Variants in PARD3 observed in about 807,000 individuals in gnomAD.
PARD3 encodes par-3 family cell polarity regulator, also known as partitioning defective 3 homolog.
In PARD3, 75 loss-of-function variants were observed where a neutral mutation model predicts 155.4. The observed-to-expected ratio is 0.48, with a 90% CI of 0.40 to 0.58. The LOEUF is 0.58. PARD3 is among the 20% of genes least tolerant of loss of function. The probability of loss-of-function intolerance (pLI) is 0.00; values close to 1 mark genes in which losing one functional copy is unlikely to be tolerated. For synonymous variants in PARD3, 576 were observed against 610.5 expected, an observed-to-expected ratio of 0.94 and a Z score of 0.83; for missense variants, 1,642 against 1,721.7, an observed-to-expected ratio of 0.95 and a Z score of 0.82.
intron 2 of PARD3, among the ~76,000 whole-genome samples, chr10:34,614,173 A>T (rs2091098531): frequency 6.6e-6 from 1 of 152,232 alleles, no homozygotes; most frequent in African/African-American, 2.4e-5. Flanking sequence ...GTCAACCAAC[A>T]TAGAAAAGTA....
At chr10:34,151,568 G>A (rs922744809) in intron 22 of PARD3, among the ~76,000 whole-genome samples, 4 of 152,228 alleles carry the variant, frequency 2.6e-5, no homozygotes, top group Admixed American at 2.0e-4. Context: ...GGAAAAGGTC[G>A]TGAGACCACA....
intron 2 of PARD3, among the ~76,000 whole-genome samples, chr10:34,655,258 T>G (rs576230660): frequency 1.3e-5 from 2 of 152,178 alleles, no homozygotes; most frequent in East Asian, 3.9e-4. Context: ...GTATGCAACA[T>G]AAAGGTATAT....
intron 1 of PARD3, among the ~76,000 whole-genome samples, chr10:34,702,989 G>A (rs981220014): frequency 4.6e-5 from 7 of 152,092 alleles, no homozygotes; most frequent in African/African-American, 1.7e-4. Flanking sequence ...GTCAGATGGT[G>A]GTACATTCAG....
intron 2 of PARD3, among the ~76,000 whole-genome samples, chr10:34,600,743 T>C (rs1294023701): frequency 6.6e-6 from 1 of 152,142 alleles, no homozygotes; most frequent in Non-Finnish European, 1.5e-5. Context: ...ATCATTTTAT[T>C]CATGTAAGTT....
intron 19 of PARD3, among the ~76,000 whole-genome samples, chr10:34,323,198 G>T (rs1015591850): frequency 6.6e-6 from 1 of 152,162 alleles, no homozygotes; most frequent in African/African-American, 2.4e-5. Flanking sequence ...GGAAGAGAAA[G>T]AAAGATGTAG....
intron 16 of PARD3, among the ~76,000 whole-genome samples, chr10:34,341,395 T>C (rs1836815127): frequency 6.6e-6 from 1 of 152,188 alleles, no homozygotes; most frequent in African/African-American, 2.4e-5. Flanking sequence ...TTTTGACTGG[T>C]AGTAGTTTTG....
intron 20 of PARD3, among the ~76,000 whole-genome samples, chr10:34,307,939 A>G (rs1320318835): frequency 6.6e-6 from 1 of 152,196 alleles, no homozygotes; most frequent in Non-Finnish European, 1.5e-5. Flanking sequence ...GTGGGTTAGA[A>G]AAGTGTCAGG....
intron 1 of PARD3, among the ~76,000 whole-genome samples, chr10:34,751,608 TTCTC>T (rs945065472): frequency 2.0e-5 from 3 of 152,048 alleles, no homozygotes; most frequent in Admixed American, 6.6e-5. Context: ...AATTAAACCT[TTCTC>T]TCTTTTTTTG....
chr10:34,730,940 C>T (rs925564901), intron 1 of PARD3, among the ~76,000 whole-genome samples: 1 of 152,178 alleles, frequency 6.6e-6, no homozygotes, highest in Non-Finnish European at 1.5e-5. Context: ...AATTCTTAAA[C>T]CAACCCACAA....
chr10:34,141,828 G>A lies in PARD3; in HGVS notation c.3420-10245C>T, dbSNP rs146637086. ...ATAAATACACACAAGAAAGCCCTAG[G>A]TAGCTGATCTTACCTAGTGTCACAA... On this transcript the variant is annotated intron_variant, in intron 22 of 24. Coordinates refer to ENST00000374788, the MANE Select transcript of PARD3 (RefSeq NM_001184785.2). Among the ~76,000 whole-genome samples the A allele has an allele frequency of 9.6e-3, 1,454 of 152,164 alleles. 20 individuals carry two copies. The highest frequency in any genetic ancestry group is 0.033 in the African/African-American group (1,371 of 41,504).
At chr10:34,261,781 A>AAAGGAAAG (rs1554820300) in intron 22 of PARD3, among the ~76,000 whole-genome samples, 1 of 131,966 alleles carries the variant, frequency 7.6e-6, no homozygotes. Flanking sequence ...AGAAAGAAAG[A>AAAGGAAAG]AAAGAAAGAA....
chr10:34,329,730 G>C (rs1468462434), intron 19 of PARD3, among the ~76,000 whole-genome samples: 1 of 152,078 alleles, frequency 6.6e-6, no homozygotes, highest in East Asian at 1.9e-4. Context: ...CCAGTTGTGA[G>C]GAATCTGATC....
At chr10:34,123,282 T>C (rs913686835) in intron 23 of PARD3, among the ~76,000 whole-genome samples, 3 of 147,018 alleles carry the variant, frequency 2.0e-5, no homozygotes, top group Non-Finnish European at 4.5e-5. Flanking sequence ...AAACCACAAG[T>C]GAAAAATATG....
intron 1 of PARD3, among the ~76,000 whole-genome samples, chr10:34,746,188 C>T (rs1330463158): frequency 4.0e-5 from 6 of 151,802 alleles, no homozygotes; most frequent in South Asian, 4.2e-4. Context: ...TGGCTGGGCA[C>T]GGTGACTCAT....
chr10:34,812,728 G>T (rs1046304559), intron 1 of PARD3, among the ~76,000 whole-genome samples: 1 of 152,090 alleles, frequency 6.6e-6, no homozygotes. Context: ...GCATGTAAGT[G>T]TTGGAACCCC....
Position 34,637,903 on chromosome 10 carries a change from G to A in PARD3, c.222+58415C>T, listed in dbSNP as rs555422930. On this transcript the variant is annotated intron_variant, in intron 2 of 24. Coordinates refer to ENST00000374788, the MANE Select transcript of PARD3 (RefSeq NM_001184785.2). ...ATATATTCAAAAGCCAGGTATACAA[G>A]CATGTTTACACAGTACTTAAAACTT... Among the ~76,000 whole-genome samples, 7 of 152,156 alleles carry A rather than the reference G, an allele frequency of 4.6e-5. No homozygotes were observed. The South Asian group carries it at 1.5e-3, about 32-fold the overall frequency.
chr10:34,384,051 G>A, intron 8 of PARD3, 78 bp downstream of exon 8: 2 of 1,422,540 alleles, frequency 1.4e-6, no homozygotes, highest in South Asian at 1.2e-5. Context: ...TCACAGACAT[G>A]TTTGAAGCAT....
At chr10:34,188,558 C>T (rs190877642) in intron 22 of PARD3, among the ~76,000 whole-genome samples, 17 of 152,086 alleles carry the variant, frequency 1.1e-4, no homozygotes, top group East Asian at 1.9e-4. Flanking sequence ...TTACGTACAC[C>T]GACACATGTG....
chr10:34,441,732 T>G (rs1263135543), intron 5 of PARD3, among the ~76,000 whole-genome samples: 1 of 152,180 alleles, frequency 6.6e-6, no homozygotes, highest in African/African-American at 2.4e-5. Flanking sequence ...AGAAAATATG[T>G]AGGGATCATG....
Sources: gnomAD v4.1 joint callset for allele counts (sites outside exome capture counted in the v4.1 genomes callset) on GRCh38, gnomAD v4.1.1 for gene constraint, MANE v1.5 for transcripts, NCBI Gene and HGNC (gene_info 2026-07-23, HGNC 2026-07-21) for gene names.